EXOC4: variants seen among roughly 807,000 people sequenced by gnomAD.
EXOC4 encodes the protein exocyst complex component 4, also known as SEC8-like 1.
A neutral mutation model predicts 107.2 loss-of-function variants in EXOC4; 71 were observed. The observed-to-expected ratio is 0.66, with a 90% confidence interval of 0.55 to 0.81. EXOC4 has a LOEUF of 0.81. Among genes scored for constraint, EXOC4 ranks in the 30% least tolerant of loss-of-function variants. The pLI, the probability that EXOC4 is intolerant of heterozygous loss-of-function variation, is 0.00. For missense variants in EXOC4, 1,108 were observed against 1,189.6 expected, an observed-to-expected ratio of 0.93 and a Z score of 1.01; for synonymous variants, 456 against 441.2, an observed-to-expected ratio of 1.03 and a Z score of -0.42.
intron 10 of EXOC4, among the ~76,000 whole-genome samples, chr7:133,652,321 T>C (rs7777805): frequency 0.43 from 65,036 of 152,062 alleles, 14,770 homozygotes; most frequent in Admixed American, 0.57. Flanking sequence ...AATTTGAAAG[T>C]GAAATACTGG....
At chr7:133,502,514 A>G (rs1799593729) in intron 9 of EXOC4, among the ~76,000 whole-genome samples, 1 of 152,136 alleles carries the variant, frequency 6.6e-6, no homozygotes. Context: ...TCTTTTCTAA[A>G]TGCTAATTTG....
chr7:133,808,524 T>C (rs1213815434), intron 10 of EXOC4, among the ~76,000 whole-genome samples: 2 of 152,296 alleles, frequency 1.3e-5, no homozygotes, highest in South Asian at 2.1e-4. Flanking sequence ...CAGTTTGCTC[T>C]GTGTCTTAAA....
At chr7:133,529,719 G>A (rs368979438) in intron 9 of EXOC4, among the ~76,000 whole-genome samples, 9 of 152,120 alleles carry the variant, frequency 5.9e-5, no homozygotes, top group Admixed American at 2.0e-4. Context: ...TGGCATCGTT[G>A]TCTGCTTATG....
At chr7:133,464,218 A>G (rs1468503397) in intron 7 of EXOC4, among the ~76,000 whole-genome samples, 1 of 152,192 alleles carries the variant, frequency 6.6e-6, no homozygotes, top group Non-Finnish European at 1.5e-5. Flanking sequence ...CAGGATGTGC[A>G]GGTTTGTTAC....
intron 7 of EXOC4, among the ~76,000 whole-genome samples, chr7:133,439,629 G>A (rs193069522): frequency 1.3e-5 from 2 of 152,292 alleles, no homozygotes; most frequent in Admixed American, 1.3e-4. Flanking sequence ...TGAGGATAAT[G>A]ATACCACACA....
intron 11 of EXOC4, among the ~76,000 whole-genome samples, chr7:133,837,093 G>A (rs192582548): frequency 3.9e-5 from 6 of 152,104 alleles, no homozygotes; most frequent in Admixed American, 3.9e-4. Context: ...TTAATCCATT[G>A]TTAAACATGA....
intron 10 of EXOC4, among the ~76,000 whole-genome samples, chr7:133,643,256 A>C (rs191034276): frequency 6.6e-6 from 1 of 152,152 alleles, no homozygotes; most frequent in Non-Finnish European, 1.5e-5. Flanking sequence ...TTAGAGTCCA[A>C]CGTTTGAGGG....
chr7:133,900,104 C>T (rs1382602805), intron 12 of EXOC4, among the ~76,000 whole-genome samples: 1 of 152,058 alleles, frequency 6.6e-6, no homozygotes, highest in Admixed American at 6.5e-5. Context: ...TTAGTGTGTC[C>T]TATCATTGCA....
intron 17 of EXOC4, among the ~76,000 whole-genome samples, chr7:134,036,046 T>C (rs1795380145): frequency 6.6e-6 from 1 of 152,168 alleles, no homozygotes; most frequent in South Asian, 2.1e-4. Flanking sequence ...AAATAGCAAT[T>C]TGTATCTCAG....
chr7:133,686,991 TTTTGTGTGTGTGTGTGTGTGTGTG>T (rs1230155280), intron 10 of EXOC4, among the ~76,000 whole-genome samples: 2 of 144,646 alleles, frequency 1.4e-5, no homozygotes, highest in Non-Finnish European at 3.0e-5. Context: ...GGATAAAGAA[TTTTGTGTGTGTGTGTGTGTGTGTG>T]TGTGTGTGTG....
chr7:133,349,909 C>T (rs1795870723), intron 5 of EXOC4, among the ~76,000 whole-genome samples: 1 of 151,636 alleles, frequency 6.6e-6, no homozygotes, highest in Non-Finnish European at 1.5e-5. Context: ...CTCATTTTAG[C>T]TTTGATTTGC....
rs1303315107 is a variant in EXOC4 at position 133,853,375 on chromosome 7, CACACACACACACACACACACACA to C, written c.1734+35834_1734+35856del. Among the ~76,000 whole-genome samples, 332 of 125,702 alleles carry C rather than the reference CACACACACACACACACACACACA, an allele frequency of 2.6e-3. 3 individuals are homozygous for C. Among genetic ancestry groups the C allele is most frequent in the African/African-American group, 9.3e-3 (309 of 33,172 alleles). 82.5% of individuals were successfully genotyped at this position (125,702 alleles called of 152,430 possible). A position where few individuals can be genotyped will look rare whatever the true frequency, so the allele number is the denominator to read the frequency against. Reference sequence around the variant, plus strand: ...ACACACACACACACACACACACACACACACACACACACACACACACACAACTTTTTAGAGTCATGGAGAGAGGG... The same window carrying C: ...ACACACACACACACACACACACACACACTTTTTAGAGTCATGGAGAGAGGG... On this transcript the variant is annotated intron_variant, in intron 11 of 17. Transcript: ENST00000253861.
chr7:133,412,580 A>G (rs1357591421), intron 7 of EXOC4, among the ~76,000 whole-genome samples: 2 of 151,970 alleles, frequency 1.3e-5, no homozygotes, highest in African/African-American at 4.8e-5. Flanking sequence ...GGTCCCAATT[A>G]TGCTGGAGAC....
chr7:133,819,353 T>A (rs757979075), intron 11 of EXOC4, among the ~76,000 whole-genome samples: 2 of 151,590 alleles, frequency 1.3e-5, no homozygotes, highest in Non-Finnish European at 2.9e-5. Flanking sequence ...TTTTTCTTCC[T>A]AACACTTATC....
At chr7:133,755,227 TATATATA>T (rs1445165598) in intron 10 of EXOC4, among the ~76,000 whole-genome samples, 296 of 113,904 alleles carry the variant, frequency 2.6e-3, no homozygotes, top group African/African-American at 0.01. Context: ...TGTGTGTATA[TATATATA>T]ATATATATAA....
intron 2 of EXOC4, among the ~76,000 whole-genome samples, chr7:133,275,629 A>G (rs1261807824): frequency 1.3e-5 from 2 of 152,152 alleles, no homozygotes; most frequent in Admixed American, 6.5e-5. Flanking sequence ...CATGAATTGG[A>G]GGGCAGCCAG....
At chr7:134,001,532 A>G (rs1041026749) in intron 15 of EXOC4, among the ~76,000 whole-genome samples, 2 of 151,964 alleles carry the variant, frequency 1.3e-5, no homozygotes, top group South Asian at 2.1e-4. Flanking sequence ...GAAAGGTTAT[A>G]TGTCTTCTCC....
chr7:133,641,973 C>T (rs1354264523), intron 10 of EXOC4, among the ~76,000 whole-genome samples: 1 of 152,176 alleles, frequency 6.6e-6, no homozygotes, highest in African/African-American at 2.4e-5. Context: ...CAACATCCTT[C>T]TCTGAACGTT....
intron 9 of EXOC4, among the ~76,000 whole-genome samples, chr7:133,622,501 G>T (rs561133118): frequency 6.6e-6 from 1 of 152,116 alleles, no homozygotes; most frequent in African/African-American, 2.4e-5. Flanking sequence ...ACAGGAAAAC[G>T]TAGAGTTCTA....
Sources: allele counts gnomAD v4.1 joint callset (sites outside exome capture counted in the v4.1 genomes callset), GRCh38; gene constraint gnomAD v4.1.1; transcripts MANE v1.5; gene names NCBI Gene and HGNC (gene_info 2026-07-23, HGNC 2026-07-21).